Variants in BICC1 observed in about 807,000 individuals in gnomAD.
The protein encoded by BICC1 is BicC family RNA binding protein 1.
In BICC1, 43 loss-of-function variants were observed where a neutral mutation model predicts 111.0. The ratio of observed to expected loss-of-function variants is 0.39; its 90% confidence interval spans 0.30 to 0.50. BICC1 has a LOEUF of 0.50. Among genes scored for constraint, BICC1 ranks in the 20% least tolerant of loss-of-function variants. The pLI, the probability that BICC1 is intolerant of heterozygous loss-of-function variation, is 0.88. For synonymous variants in BICC1, 467 were observed against 434.4 expected (o/e 1.07, Z -0.93); for missense variants, 1,091 against 1,203.2 (o/e 0.91, Z 1.38).
rs1427837026 is a variant in BICC1, at chr10:58,569,424, GAT to G, written c.191-51429_191-51428del. Among the ~76,000 whole-genome samples, 5 of 152,210 alleles carry G rather than the reference GAT, an allele frequency of 3.3e-5. No homozygotes were observed. In the East Asian group the frequency reaches 9.7e-4, roughly 29 times the overall value. On this transcript the variant is annotated intron_variant, in intron 1 of 20. Coordinates refer to ENST00000373886, the MANE Select transcript of BICC1 (RefSeq NM_001080512.3). ...TTAAAAAGTATACTTTAAGTTCTGA[GAT>G]ACATGTGCAGAATGTGCAGGTTTGT...
intron 1 of BICC1, among the ~76,000 whole-genome samples, chr10:58,523,303 A>C (rs1234753369): frequency 2.6e-5 from 4 of 152,232 alleles, no homozygotes; most frequent in Non-Finnish European, 5.9e-5. Flanking sequence ...AAAAATCCTC[A>C]ATAAAATACT....
chr10:58,675,345 C>T (rs1052545425), intron 2 of BICC1, among the ~76,000 whole-genome samples: 1 of 151,928 alleles, frequency 6.6e-6, no homozygotes, highest in African/African-American at 2.4e-5. Flanking sequence ...TGCAGAAGTA[C>T]AGTGGGTTTT....
intron 2 of BICC1, among the ~76,000 whole-genome samples, chr10:58,694,774 G>C (rs993748866): frequency 6.6e-6 from 1 of 152,094 alleles, no homozygotes; most frequent in Non-Finnish European, 1.5e-5. Context: ...GCTATCTCTG[G>C]GTCATTTCAT....
chr10:58,766,221 C>T (rs1589117717), intron 3 of BICC1, among the ~76,000 whole-genome samples: 1 of 152,042 alleles, frequency 6.6e-6, no homozygotes, highest in Non-Finnish European at 1.5e-5. Context: ...AAAAAAAAAC[C>T]CAATCTGTGA....
chr10:58,724,110 G>A (rs1841023688), intron 3 of BICC1, among the ~76,000 whole-genome samples: 1 of 152,212 alleles, frequency 6.6e-6, no homozygotes, highest in Non-Finnish European at 1.5e-5. Flanking sequence ...TTATGAAACA[G>A]CCGATCAGTG....
At chr10:58,576,572 G>C (rs573066344) in intron 1 of BICC1, among the ~76,000 whole-genome samples, 27 of 151,986 alleles carry the variant, frequency 1.8e-4, no homozygotes, top group Non-Finnish European at 2.8e-4. Flanking sequence ...GTCTTACTTC[G>C]TGCCTCCCAT....
At chr10:58,768,794 A>G (rs1232349867) in intron 3 of BICC1, among the ~76,000 whole-genome samples, 4 of 152,132 alleles carry the variant, frequency 2.6e-5, no homozygotes, top group Non-Finnish European at 4.4e-5. Flanking sequence ...ACAGAAATCT[A>G]TAGTAGATAC....
chr10:58,777,201 C>G (rs1469972395), intron 3 of BICC1, among the ~76,000 whole-genome samples: 1 of 151,566 alleles, frequency 6.6e-6, no homozygotes, highest in East Asian at 1.9e-4. Flanking sequence ...TGCTGAGCCC[C>G]CATAACTCTG....
chr10:58,702,278 C>A, intron 3 of BICC1, 135 bp downstream of exon 3: 3 of 576,176 alleles, frequency 5.2e-6, no homozygotes, highest in Non-Finnish European at 9.2e-6. Context: ...AGCAGTCTTT[C>A]AGGAGGATTT....
chr10:58,694,195 C>G (rs970005536), intron 2 of BICC1, among the ~76,000 whole-genome samples: 2 of 152,130 alleles, frequency 1.3e-5, no homozygotes, highest in African/African-American at 4.8e-5. Context: ...TGTTTCCTTG[C>G]TGCACTTTCA....
At chr10:58,548,229 AGAGCCAC>A (rs1843191959) in intron 1 of BICC1, among the ~76,000 whole-genome samples, 1 of 152,228 alleles carries the variant, frequency 6.6e-6, no homozygotes, top group Admixed American at 6.5e-5. Context: ...CTGGCTCCCA[AGAGCCAC>A]GATCCATTTG....
intron 1 of BICC1, among the ~76,000 whole-genome samples, chr10:58,574,933 ACT>A (rs1564494044): frequency 6.6e-6 from 1 of 151,088 alleles, no homozygotes; most frequent in Admixed American, 6.6e-5. Flanking sequence ...CCTCTGAAAA[ACT>A]CTGTGTACAT....
At chr10:58,615,295 G>A (rs1297235582) in intron 1 of BICC1, among the ~76,000 whole-genome samples, 1 of 152,186 alleles carries the variant, frequency 6.6e-6, no homozygotes, top group African/African-American at 2.4e-5. Context: ...TTGTAGAAAT[G>A]TGTGATTCAA....
At chr10:58,822,387 T>C (rs899765551) in intron 20 of BICC1, among the ~76,000 whole-genome samples, 1 of 152,314 alleles carries the variant, frequency 6.6e-6, no homozygotes, top group African/African-American at 2.4e-5. Flanking sequence ...TCAATACCTT[T>C]CCTCTGGAAT....
At chr10:58,812,571 G>A (rs1843945849) in intron 17 of BICC1, among the ~76,000 whole-genome samples, 1 of 151,326 alleles carries the variant, frequency 6.6e-6, no homozygotes. Context: ...TCCGCCTCCT[G>A]GGTTCAAGCA....
intron 3 of BICC1, among the ~76,000 whole-genome samples, chr10:58,744,325 C>A (rs1214091407): frequency 6.6e-6 from 1 of 151,942 alleles, no homozygotes. Context: ...AAAGCTCTCT[C>A]AGTGTTTTGG....
rs897858739 is a variant in BICC1 at position 58,602,794 on chromosome 10, A to G, written c.191-18061A>G. ...TGTAGTAACTTGATTATGCAAAGCT[A>G]TATTTTGCAGAAGGTTAAAACAGGA... On this transcript the variant is annotated intron_variant, in intron 1 of 20. Coordinates refer to ENST00000373886, the MANE Select transcript of BICC1 (RefSeq NM_001080512.3). 3.2e-4 allele frequency among the ~76,000 whole-genome samples: 49 copies of G among 152,198 alleles called. 2 individuals carry two copies. Among genetic ancestry groups the G allele is most frequent in the Admixed American group, 1.4e-3 (22 of 15,270 alleles).
At chr10:58,667,704 T>C (rs769164479) in intron 2 of BICC1, among the ~76,000 whole-genome samples, 64 of 152,100 alleles carry the variant, frequency 4.2e-4, no homozygotes, top group Non-Finnish European at 7.8e-4. Flanking sequence ...ATTTACCTTT[T>C]AAAGTAACTA....
Position 58,770,420 on chromosome 10 carries a change from G to T in BICC1, c.308-14581G>T, listed in dbSNP as rs187331910. Among the ~76,000 whole-genome samples the T allele has an allele frequency of 7.2e-4, 109 of 151,910 alleles. 2 individuals carry two copies. In the East Asian group the frequency reaches 0.018, roughly 25 times the overall value. ...CACCAAGTAATTATGCTGATATGTT[G>T]TACATTCTTAATACTCCTTAAAAGT... On this transcript the variant is annotated intron_variant, in intron 3 of 20. Transcript: ENST00000373886.
Sources: allele counts gnomAD v4.1 joint callset (sites outside exome capture counted in the v4.1 genomes callset), GRCh38; gene constraint gnomAD v4.1.1; transcripts MANE v1.5; gene names NCBI Gene and HGNC (gene_info 2026-07-23, HGNC 2026-07-21).